Variants in NKAIN3 observed in about 807,000 individuals in gnomAD.
The protein encoded by NKAIN3 is sodium/potassium-transporting ATPase subunit beta-1-interacting protein 3.
A neutral mutation model predicts 30.2 loss-of-function variants in NKAIN3; 25 were observed. The ratio of observed to expected loss-of-function variants is 0.83; its 90% CI spans 0.60 to 1.16. The LOEUF (loss-of-function observed/expected upper bound fraction) is 1.16, where lower values mean the gene tolerates loss of function less well. Ranked by LOEUF, NKAIN3 falls within the 50% of genes most tolerant of loss-of-function variation. The probability of loss-of-function intolerance (pLI) is 0.00; values close to 1 mark genes in which losing one functional copy is unlikely to be tolerated. For missense variants in NKAIN3, 225 were observed against 254.1 expected (o/e 0.89, Z 0.78); for synonymous variants, 91 against 89.6 (o/e 1.02, Z -0.09).
intron 1 of NKAIN3, among the ~76,000 whole-genome samples, chr8:62,400,163 C>CTTTTT (rs71255333): frequency 9.8e-5 from 12 of 122,198 alleles, no homozygotes; most frequent in Non-Finnish European, 1.2e-4. Flanking sequence ...GCTATATTTT[C>CTTTTT]TTTTTTTTTT....
At chr8:62,805,055 C>G (rs1818223291) in intron 4 of NKAIN3, among the ~76,000 whole-genome samples, 1 of 152,140 alleles carries the variant, frequency 6.6e-6, no homozygotes, top group African/African-American at 2.4e-5. Flanking sequence ...TTCACAATTG[C>G]TTCAAAGAGA....
At chr8:62,961,767 G>T (rs1225061926) in intron 6 of NKAIN3, among the ~76,000 whole-genome samples, 1 of 152,052 alleles carries the variant, frequency 6.6e-6, no homozygotes, top group Non-Finnish European at 1.5e-5. Context: ...CATTACAAGG[G>T]AAGTGAAAAC....
At chr8:62,263,717 T>A (rs1277940063) in intron 1 of NKAIN3, among the ~76,000 whole-genome samples, 1 of 152,090 alleles carries the variant, frequency 6.6e-6, no homozygotes. Context: ...ACTGAAAACA[T>A]AGTGTAGTAA....
intron 1 of NKAIN3, among the ~76,000 whole-genome samples, chr8:62,475,911 C>G (rs1410782848): frequency 6.6e-6 from 1 of 152,210 alleles, no homozygotes; most frequent in African/African-American, 2.4e-5. Context: ...TTACAGCTCT[C>G]TTCTTGAACT....
chr8:62,423,527 A>G (rs1021949412), intron 1 of NKAIN3, among the ~76,000 whole-genome samples: 1 of 151,530 alleles, frequency 6.6e-6, no homozygotes, highest in African/African-American at 2.4e-5. Flanking sequence ...TTCTCAAATT[A>G]ACACAAATTT....
chr8:62,608,569 T>C (rs1811196424), intron 3 of NKAIN3, among the ~76,000 whole-genome samples: 1 of 152,182 alleles, frequency 6.6e-6, no homozygotes, highest in Non-Finnish European at 1.5e-5. Flanking sequence ...ACATGCATTA[T>C]TTTACATGAG....
At chr8:62,545,386 G>A (rs953659492) in intron 1 of NKAIN3, among the ~76,000 whole-genome samples, 1 of 152,072 alleles carries the variant, frequency 6.6e-6, no homozygotes, top group Non-Finnish European at 1.5e-5. Flanking sequence ...AGGAGTTCAA[G>A]ACCAGCCCAG....
chr8:62,806,742 C>T (rs1012878327), intron 4 of NKAIN3, among the ~76,000 whole-genome samples: 6 of 151,672 alleles, frequency 4.0e-5, no homozygotes, highest in Non-Finnish European at 7.4e-5. Context: ...CAGCATGGCA[C>T]ATGTATACAT....
At chr8:62,940,959 T>C (rs1303369759) in intron 5 of NKAIN3, among the ~76,000 whole-genome samples, 1 of 143,054 alleles carries the variant, frequency 7.0e-6, no homozygotes, top group South Asian at 2.3e-4. Flanking sequence ...AAAAGATAAG[T>C]GAAACAAAAA....
At chr8:62,861,402 T>C (rs985571347) in intron 4 of NKAIN3, among the ~76,000 whole-genome samples, 5 of 152,184 alleles carry the variant, frequency 3.3e-5, no homozygotes, top group Admixed American at 6.5e-5. Flanking sequence ...GGATATATGT[T>C]CTGCATACTA....
chr8:62,799,153 A>G (rs1469463352), intron 4 of NKAIN3, among the ~76,000 whole-genome samples: 1 of 152,068 alleles, frequency 6.6e-6, no homozygotes, highest in African/African-American at 2.4e-5. Flanking sequence ...ATATGAACAT[A>G]GTGAGGAGGG....
chr8:62,823,144 T>C (rs1383800196), intron 4 of NKAIN3, among the ~76,000 whole-genome samples: 1 of 152,150 alleles, frequency 6.6e-6, no homozygotes, highest in Non-Finnish European at 1.5e-5. Context: ...TATATACTAC[T>C]GAAGACTTTA....
At chr8:62,944,160 A>G (rs766586202) in intron 5 of NKAIN3, among the ~76,000 whole-genome samples, 11 of 151,904 alleles carry the variant, frequency 7.2e-5, no homozygotes, top group Non-Finnish European at 1.2e-4. Context: ...CCATTGAAAC[A>G]TATATATATA....
At chr8:62,266,977 C>A (rs2129391420) in intron 1 of NKAIN3, among the ~76,000 whole-genome samples, 1 of 152,340 alleles carries the variant, frequency 6.6e-6, no homozygotes, top group South Asian at 2.1e-4. Flanking sequence ...CTGTGCATTG[C>A]CACTTCAGTA....
chr8:62,783,389 T>A (rs747611384), intron 4 of NKAIN3, among the ~76,000 whole-genome samples: 3 of 152,072 alleles, frequency 2.0e-5, no homozygotes, highest in African/African-American at 4.8e-5. Context: ...ATGCTGGCAC[T>A]CTGATTTTAG....
chr8:62,890,350 A>C (rs1017758594), intron 4 of NKAIN3, among the ~76,000 whole-genome samples: 1 of 152,220 alleles, frequency 6.6e-6, no homozygotes. Flanking sequence ...TCCTTTTGTT[A>C]GCTAATTTGA....
intron 3 of NKAIN3, among the ~76,000 whole-genome samples, chr8:62,645,224 G>A (rs1446181172): frequency 6.6e-6 from 1 of 152,096 alleles, no homozygotes; most frequent in African/African-American, 2.4e-5. Flanking sequence ...AGGAAAATAA[G>A]GATAGTTCTG....
At chr8:62,299,812 G>T (rs1813981191) in intron 1 of NKAIN3, among the ~76,000 whole-genome samples, 1 of 152,000 alleles carries the variant, frequency 6.6e-6, no homozygotes, top group African/African-American at 2.4e-5. Flanking sequence ...ACACGGAAAG[G>T]CTTTATTTTT....
At chr8:62,508,983 T>C (rs1444814783) in intron 1 of NKAIN3, among the ~76,000 whole-genome samples, 1 of 149,298 alleles carries the variant, frequency 6.7e-6, no homozygotes, top group Admixed American at 6.6e-5. Context: ...TCATCTATGG[T>C]TTCCCCAGTA....
Sources: allele counts gnomAD v4.1 joint callset (sites outside exome capture counted in the v4.1 genomes callset), GRCh38; gene constraint gnomAD v4.1.1; transcripts MANE v1.5; gene names NCBI Gene and HGNC (gene_info 2026-07-23, HGNC 2026-07-21).